Variants in KAZN observed in about 807,000 individuals in gnomAD.
The protein encoded by KAZN is kazrin, periplakin interacting protein, also known as kazrin.
A neutral mutation model predicts 87.4 loss-of-function variants in KAZN; 40 were observed. The ratio of observed to expected loss-of-function variants is 0.46; its 90% CI spans 0.36 to 0.60. The LOEUF is 0.60. KAZN is among the 20% of genes least tolerant of loss of function. The pLI, the probability that KAZN is intolerant of heterozygous loss-of-function variation, is 0.00. For missense variants in KAZN, 898 were observed against 1,073.9 expected, an observed-to-expected ratio of 0.84 and a Z score of 2.29; for synonymous variants, 466 against 458.3, an observed-to-expected ratio of 1.02 and a Z score of -0.22.
intron 2 of KAZN, among the ~76,000 whole-genome samples, chr1:14,320,898 A>G (rs963815596): frequency 1.3e-5 from 2 of 152,222 alleles, no homozygotes; most frequent in African/African-American, 4.8e-5. Context: ...TGAGTTAGAC[A>G]TCTAAAGTCT....
intron 8 of KAZN, among the ~76,000 whole-genome samples, chr1:15,086,466 A>G (rs1640262904): frequency 6.6e-6 from 1 of 152,250 alleles, no homozygotes; most frequent in Non-Finnish European, 1.5e-5. Context: ...CTTTCTTCAG[A>G]TAGGCAAAAG....
chr1:15,058,320 C>G (rs947794491), intron 5 of KAZN, among the ~76,000 whole-genome samples: 22 of 152,358 alleles, frequency 1.4e-4, no homozygotes, highest in African/African-American at 5.1e-4. Flanking sequence ...AGGGTAAACT[C>G]ACCCAGATTG....
At chr1:14,022,685 G>A (rs1428152540) in intron 1 of KAZN, among the ~76,000 whole-genome samples, 2 of 152,068 alleles carry the variant, frequency 1.3e-5, no homozygotes, top group Non-Finnish European at 2.9e-5. Context: ...TTGATAATGT[G>A]AACACAGAGC....
chr1:14,275,546 C>A (rs1652285026), intron 2 of KAZN, among the ~76,000 whole-genome samples: 1 of 149,078 alleles, frequency 6.7e-6, no homozygotes, highest in Non-Finnish European at 1.5e-5. Flanking sequence ...TGAAATAATT[C>A]TTTGTGTATT....
intron 1 of KAZN, among the ~76,000 whole-genome samples, chr1:14,612,162 T>C (rs1195909946): frequency 6.6e-6 from 1 of 152,092 alleles, no homozygotes; most frequent in Non-Finnish European, 1.5e-5. Flanking sequence ...AACTACTAGA[T>C]TATAGTACTA....
At chr1:14,528,370 AAAAG>A (rs1050381857) in intron 2 of KAZN, among the ~76,000 whole-genome samples, 1 of 151,278 alleles carries the variant, frequency 6.6e-6, no homozygotes, top group Non-Finnish European at 1.5e-5. Context: ...AAGAAAGAAA[AAAAG>A]GAAAATTATT....
intron 1 of KAZN, among the ~76,000 whole-genome samples, chr1:14,085,309 A>G (rs558875697): frequency 2.0e-5 from 3 of 152,288 alleles, no homozygotes; most frequent in Middle Eastern, 3.4e-3. Context: ...AATCAATTTC[A>G]GTGTACATTT....
intron 1 of KAZN, among the ~76,000 whole-genome samples, chr1:14,604,808 A>G (rs1677235903): frequency 1.3e-5 from 2 of 152,210 alleles, no homozygotes; most frequent in Admixed American, 1.3e-4. Context: ...ACAGGAGCTC[A>G]GATGGAGCTT....
chr1:14,153,570 T>A (rs1418279977), intron 1 of KAZN, among the ~76,000 whole-genome samples: 1 of 151,636 alleles, frequency 6.6e-6, no homozygotes, highest in Admixed American at 6.6e-5. Flanking sequence ...AGGTCAGGAG[T>A]TGGAGACCAG....
chr1:15,103,965 C>T, intron 12 of KAZN, 58 bp from the exon 13 acceptor site: 2 of 1,555,722 alleles, frequency 1.3e-6, no homozygotes, highest in Non-Finnish European at 1.7e-6. Flanking sequence ...AACTGGGGCC[C>T]CCTTAGGCCA....
At chr1:14,071,684 A>G (rs2101559093) in intron 1 of KAZN, among the ~76,000 whole-genome samples, 1 of 152,310 alleles carries the variant, frequency 6.6e-6, no homozygotes, top group East Asian at 1.9e-4. Flanking sequence ...CACCTCCTGC[A>G]GCAATCTCTC....
chr1:14,572,700 G>A (rs934830296), intron 2 of KAZN, among the ~76,000 whole-genome samples: 1 of 152,184 alleles, frequency 6.6e-6, no homozygotes, highest in East Asian at 1.9e-4. Context: ...TTAAGAAGGG[G>A]TATGTGTACC....
At chr1:14,860,861 C>A (rs1162437705) in intron 1 of KAZN, among the ~76,000 whole-genome samples, 1 of 152,154 alleles carries the variant, frequency 6.6e-6, no homozygotes. Flanking sequence ...AGAAGCTGAA[C>A]CTAGTTAATG....
chr1:14,180,975 C>A (rs921933427), intron 2 of KAZN, among the ~76,000 whole-genome samples: 1 of 152,134 alleles, frequency 6.6e-6, no homozygotes, highest in East Asian at 1.9e-4. Context: ...TATTTTGGTG[C>A]ATTTGCTGTA....
At chr1:14,381,550 A>G (rs758929391) in intron 2 of KAZN, among the ~76,000 whole-genome samples, 5 of 152,220 alleles carry the variant, frequency 3.3e-5, no homozygotes, top group African/African-American at 9.6e-5. Context: ...CTGATACATC[A>G]TATCAATGGA....
chr1:14,562,086 C>T (rs1216776411), intron 2 of KAZN, among the ~76,000 whole-genome samples: 2 of 152,112 alleles, frequency 1.3e-5, no homozygotes, highest in Non-Finnish European at 2.9e-5. Context: ...AAGTGGCAAT[C>T]TCTTAAGCTT....
At chr1:14,962,401 T>C (rs1363497886) in intron 2 of KAZN, among the ~76,000 whole-genome samples, 1 of 152,148 alleles carries the variant, frequency 6.6e-6, no homozygotes, top group African/African-American at 2.4e-5. Context: ...TTGGGGTGCA[T>C]TGTGGCCCAG....
intron 1 of KAZN, among the ~76,000 whole-genome samples, chr1:14,783,871 C>T (rs1645426573): frequency 6.6e-6 from 1 of 152,000 alleles, no homozygotes; most frequent in Admixed American, 6.6e-5. Flanking sequence ...AGTCTGGAGC[C>T]AGAGAGACTG....
At chr1:14,417,184 A>T (rs1027916613) in intron 2 of KAZN, among the ~76,000 whole-genome samples, 235 of 47,738 alleles carry the variant, frequency 4.9e-3, no homozygotes, top group Non-Finnish European at 9.5e-3. Context: ...TCTCAAAATA[A>T]AAAAAAAAAA....
Sources: gnomAD v4.1 joint callset for allele counts (sites outside exome capture counted in the v4.1 genomes callset) on GRCh38, gnomAD v4.1.1 for gene constraint, MANE v1.5 for transcripts, NCBI Gene and HGNC (gene_info 2026-07-23, HGNC 2026-07-21) for gene names.